TPR: variants seen among roughly 807,000 people sequenced by gnomAD.
The protein encoded by TPR is nucleoprotein TPR.
In TPR, 51 loss-of-function variants were observed where a neutral mutation model predicts 316.1. The ratio of observed to expected loss-of-function variants is 0.16; its 90% CI spans 0.13 to 0.20. The LOEUF (loss-of-function observed/expected upper bound fraction) is 0.20, where lower values mean the gene tolerates loss of function less well. Ranked by LOEUF, TPR falls within the 10% of genes least tolerant of loss-of-function variation. The pLI, the probability that TPR is intolerant of heterozygous loss-of-function variation, is 1.00. For missense variants in TPR, 2,272 were observed against 2,754.8 expected (o/e 0.82, Z 3.92); for synonymous variants, 981 against 914.7 (o/e 1.07, Z -1.31).
rs573117284 is a variant in TPR at position 186,330,238 on chromosome 1, T to C, written c.5688+1260A>G. Among the ~76,000 whole-genome samples the C allele has an allele frequency of 5.9e-5, 9 of 152,202 alleles. No individual in the cohort carries two copies. In the East Asian group the frequency reaches 1.7e-3, roughly 29 times the overall value. On this transcript the variant is annotated intron_variant, in intron 39 of 50. Coordinates refer to ENST00000367478, the MANE Select transcript of TPR (RefSeq NM_003292.3). ...CTGGCATGGTAAATTTCTAAATTCA[T>C]ATGGTTACAATAAAAAAATATAAGC...
chr1:186,332,105 C>T (rs1242965410), intron 38 of TPR, 90 bp downstream of exon 38: 1 of 1,423,088 alleles, frequency 7.0e-7, no homozygotes, highest in Non-Finnish European at 9.3e-7. Context: ...ATTTTGGCCC[C>T]AAAAGGTTAA....
At position 186,371,943 on chromosome 1, in the gene TPR, C is replaced by T. The variant is rs549901897; in HGVS notation, c.257-900G>A. Among the ~76,000 whole-genome samples, 3 of 152,256 alleles carry T rather than the reference C, an allele frequency of 2.0e-5. No homozygotes were observed. In the East Asian group the frequency reaches 5.8e-4, roughly 29 times the overall value. Reference sequence around the variant, plus strand: ...CATCCCTTTTTCTCTTCTCCCAGATCTCGTAAAAGCTGTATTCAGTCATTT... The same window carrying T: ...CATCCCTTTTTCTCTTCTCCCAGATTTCGTAAAAGCTGTATTCAGTCATTT... On this transcript the variant is annotated intron_variant, in intron 2 of 50. Transcript: ENST00000367478.
chr1:186,350,349 T>C lies in TPR; in HGVS notation c.2650A>G (p.Thr884Ala), dbSNP rs1230362592. 1.9e-6 allele frequency: 3 copies of C among 1,612,364 alleles called. No individual in the cohort carries two copies. The highest frequency in any genetic ancestry group is 1.7e-5 in the Admixed American group (1 of 59,844). ...LDTKRQLDTE[T>A]NLHLNTKELL... is the part of the protein sequence containing the mutation. ...TCTTTTGTGTTAAGATGAAGATTTG[T>C]CTCTGTATCCAGTTGTCTCTTTGTA... Residue 884 changes from threonine (T) to alanine (A), a missense_variant, in exon 21 of 51, where the codon ACA (threonine) becomes GCA (alanine). Physicochemically the swap from Thr to Ala is moderately conservative, Grantham distance 58. This residue lies in a region of TPR where 757 missense variants were observed against 859.8 expected (regional missense o/e 0.88). Coordinates refer to ENST00000367478, the MANE Select transcript of TPR (RefSeq NM_003292.3).
intron 47 of TPR, 54 bp downstream of exon 47, chr1:186,318,679 T>C (rs1402620912): frequency 5.6e-6 from 9 of 1,610,026 alleles, no homozygotes; most frequent in Middle Eastern, 1.7e-4. Flanking sequence ...AGATACTTCA[T>C]AGGTTTTCAT....
intron 10 of TPR, among the ~76,000 whole-genome samples, 173 bp from the exon 11 acceptor site, chr1:186,360,537 A>G (rs1334881569): frequency 1.3e-5 from 2 of 152,086 alleles, no homozygotes; most frequent in Non-Finnish European, 2.9e-5. Flanking sequence ...AAAATCATGC[A>G]ATAACCTGGG....
At chr1:186,372,626 C>T (rs1265106225) in intron 2 of TPR, among the ~76,000 whole-genome samples, 1 of 152,116 alleles carries the variant, frequency 6.6e-6, no homozygotes, top group Non-Finnish European at 1.5e-5. Context: ...AAAGCAGAAG[C>T]AGTCTACAGC....
intron 45 of TPR, 58 bp downstream of exon 45, chr1:186,322,260 C>G: frequency 6.8e-7 from 1 of 1,473,734 alleles, no homozygotes; most frequent in Non-Finnish European, 9.3e-7. Context: ...AACAAACTAA[C>G]AGAGAAAGAC....
chr1:186,349,003 G>C (rs1571623616), intron 21 of TPR, among the ~76,000 whole-genome samples: 1 of 152,230 alleles, frequency 6.6e-6, no homozygotes, highest in South Asian at 2.1e-4. Context: ...ACAGAGAGAT[G>C]CTTCTCTACT....
At chr1:186,332,112 T>C (rs1658184277) in intron 38 of TPR, 83 bp downstream of exon 38, 1 of 1,450,774 alleles carries the variant, frequency 6.9e-7, no homozygotes, top group Non-Finnish European at 9.1e-7. Flanking sequence ...CCCCAAAAGG[T>C]TAATTTTCTT....
chr1:186,362,864 T>C lies in TPR; in HGVS notation c.669A>G (p.Lys223=), dbSNP rs1659237290. ...REKGNEILEL[K]CNLENKKEEV... is the part of the protein sequence containing the mutation. ...CTTCTTTTTTATTTTCAAGATTACA[T>C]TTAAGCTCTAGAATCTCATTCCCTT... Residue 223 remains lysine (K), a synonymous_variant, in exon 6 of 51, where the codon AAA becomes AAG. Coordinates refer to ENST00000367478, the MANE Select transcript of TPR (RefSeq NM_003292.3). 6.3e-7 allele frequency: 1 copy of C among 1,597,100 alleles called. No individual in the cohort carries two copies. Among genetic ancestry groups the C allele is most frequent in the Non-Finnish European group, 8.5e-7 (1 of 1,175,614 alleles).
rs1199976100 is a variant in TPR at position 186,343,548 on chromosome 1, A to G, written c.3603-75T>C. On this transcript the variant is annotated intron_variant, in intron 26 of 50. Transcript: ENST00000367478. Reference sequence around the variant, plus strand: ...ATTACAAAACGTAGGTAATTTGGTAAGATGACAAAAATCATTGACTTTAAT... The same window carrying G: ...ATTACAAAACGTAGGTAATTTGGTAGGATGACAAAAATCATTGACTTTAAT... 18 of 1,393,232 alleles carry G rather than the reference A, an allele frequency of 1.3e-5. No individual in the cohort carries two copies. In the South Asian group the frequency reaches 1.4e-4, roughly 11 times the overall value. 86.3% of individuals were successfully genotyped at this position (1,393,232 alleles called of 1,614,324 possible). A position where few individuals can be genotyped will look rare whatever the true frequency, so the allele number is the denominator to read the frequency against.
intron 33 of TPR, 66 bp from the exon 34 acceptor site, chr1:186,335,609 TTAA>T: frequency 7.6e-7 from 1 of 1,310,742 alleles, no homozygotes; most frequent in Non-Finnish European, 1.0e-6. Context: ...ATTTATGCAC[TTAA>T]TTGGCACATG....
Position 186,351,344 on chromosome 1 carries a change from T to A in TPR, c.2596A>T (p.Thr866Ser). ...ENEVEQRHTLTRNLDVQLLDT... is the reference protein window; with the variant it reads ...ENEVEQRHTLSRNLDVQLLDT... Reference sequence around the variant, plus strand: ...GATGGACTCACATCTAGATTTCTAGTAAGTGTATGCCTTTGTTCCACCTCA... The same window carrying A: ...GATGGACTCACATCTAGATTTCTAGAAAGTGTATGCCTTTGTTCCACCTCA... The change falls in exon 20 of 51, where the codon ACT (threonine) becomes TCT (serine). Residue 866 changes from threonine to serine, a missense_variant. This residue lies in a region of TPR where 757 missense variants were observed against 859.8 expected (regional missense o/e 0.88). Transcript: ENST00000367478. The A allele has an allele frequency of 6.2e-7, 1 of 1,606,994 alleles. No homozygotes were observed. Among genetic ancestry groups the A allele is most frequent in the South Asian group, 1.1e-5 (1 of 89,116 alleles).
chr1:186,366,319 T>A (rs75490185), intron 4 of TPR, among the ~76,000 whole-genome samples: 29,060 of 152,140 alleles, frequency 0.19, 3,202 homozygotes, highest in African/African-American at 0.3. Context: ...CCATTTAATG[T>A]ACAGTAAACG....
At position 186,368,066 on chromosome 1, in the gene TPR, T is replaced by C. The variant is rs143373596; in HGVS notation, c.331-84A>G. 2.0e-4 allele frequency: 178 copies of C among 907,612 alleles called. No homozygotes were observed. The African/African-American group carries it at 2.7e-3, about 14-fold the overall frequency. 56.2% of individuals were successfully genotyped at this position (907,612 alleles called of 1,614,324 possible). A position where few individuals can be genotyped will look rare whatever the true frequency, so the allele number is the denominator to read the frequency against. ...CATAGAATTGTCACTTTAGTTAACATCAGCTGTAGTGTAAATGACTGGCTT... is the reference window on the plus strand; with the variant it reads ...CATAGAATTGTCACTTTAGTTAACACCAGCTGTAGTGTAAATGACTGGCTT... On this transcript the variant is annotated intron_variant, in intron 3 of 50. Transcript: ENST00000367478.
intron 12 of TPR, 90 bp from the exon 13 acceptor site, chr1:186,358,740 T>C: frequency 1.0e-6 from 1 of 986,062 alleles, no homozygotes; most frequent in Non-Finnish European, 1.5e-6. Context: ...ACACCACCAG[T>C]AATCAACTTA....
chr1:186,333,735 A>G (rs1658250621), intron 36 of TPR, among the ~76,000 whole-genome samples: 2 of 152,172 alleles, frequency 1.3e-5, no homozygotes, highest in African/African-American at 4.8e-5. Context: ...AACAGATAGT[A>G]AATTTGATTA....
intron 26 of TPR, 73 bp downstream of exon 26, chr1:186,343,829 TTCTC>T: frequency 8.0e-7 from 1 of 1,248,946 alleles, no homozygotes; most frequent in East Asian, 2.5e-5. Flanking sequence ...TATAATCTCC[TTCTC>T]TAATTTATAT....
chr1:186,374,632 A>C (rs1313107471), intron 1 of TPR, among the ~76,000 whole-genome samples: 3 of 152,226 alleles, frequency 2.0e-5, no homozygotes, highest in Non-Finnish European at 4.4e-5. Context: ...ACGAAGGAAA[A>C]TAAGCGTCCC....
Sources: gnomAD v4.1 joint callset for allele counts (sites outside exome capture counted in the v4.1 genomes callset) on GRCh38, gnomAD v4.1.1 for gene constraint, gnomAD v4.1.1 regional missense constraint, MANE v1.5 for transcripts, NCBI Gene and HGNC (gene_info 2026-07-23, HGNC 2026-07-21) for gene names.